FAM78A: variants seen among roughly 807,000 people sequenced by gnomAD.
FAM78A encodes the protein protein FAM78A.
In FAM78A, 12 loss-of-function variants were observed where a neutral mutation model predicts 22.6. That is an observed-to-expected ratio of 0.53 (90% CI 0.34 to 0.86). The LOEUF (loss-of-function observed/expected upper bound fraction) is 0.86. Ranked by LOEUF, FAM78A falls within the 40% of genes least tolerant of loss-of-function variation. The probability of loss-of-function intolerance (pLI) is 0.02; values close to 1 mark genes in which losing one functional copy is unlikely to be tolerated. For missense variants in FAM78A, 322 were observed against 396.1 expected, an observed-to-expected ratio of 0.81 and a Z score of 1.59; for synonymous variants, 151 against 155.8, an observed-to-expected ratio of 0.97 and a Z score of 0.23.
At position 131,265,209 on chromosome 9, in the gene FAM78A, C is replaced by T. The variant is rs758206837; in HGVS notation, c.324-3859G>A. Among the ~76,000 whole-genome samples, 38 of 152,072 alleles carry T rather than the reference C, an allele frequency of 2.5e-4. No individual in the cohort carries two copies. Among genetic ancestry groups the T allele is most frequent in the Non-Finnish European group, 4.3e-4 (29 of 68,030 alleles). ...CTTAGTAGTTGTCCTTGAAATTTTCCGATTATTTTTAACTTAAAAGTCTAA... is the reference window on the plus strand; with the variant it reads ...CTTAGTAGTTGTCCTTGAAATTTTCTGATTATTTTTAACTTAAAAGTCTAA... On this transcript the variant is annotated intron_variant, in intron 1 of 1. Transcript: ENST00000372271. The surrounding 1 kb of genome is among the most constrained non-coding windows in gnomAD (Gnocchi z 4.3).
chr9:131,268,537 C>A (rs1313654435), intron 1 of FAM78A, among the ~76,000 whole-genome samples: 1 of 152,258 alleles, frequency 6.6e-6, no homozygotes, highest in African/African-American at 2.4e-5. Flanking sequence ...TTAACCCAGG[C>A]ACAGCTGTGG....
upstream of FAM78A, among the ~76,000 whole-genome samples, chr9:131,280,372 A>G (rs569055866): frequency 1.9e-4 from 29 of 152,262 alleles, no homozygotes; most frequent in Admixed American, 1.6e-3. Flanking sequence ...CAGCCTCAGC[A>G]TATGTGGAAG....
At position 131,272,359 on chromosome 9, in the gene FAM78A, T is replaced by A. The variant is rs1214254785; in HGVS notation, c.323+3498A>T. Among the ~76,000 whole-genome samples, 1 of 152,198 alleles carries A rather than the reference T, an allele frequency of 6.6e-6. No homozygotes were observed. The highest frequency in any genetic ancestry group is 1.5e-5 in the Non-Finnish European group (1 of 68,024). ...CCTCCTGGGGACATCAGGCCCTCCCTGGGGACATTATTGACTGTCACAGCT... is the reference window on the plus strand; with the variant it reads ...CCTCCTGGGGACATCAGGCCCTCCCAGGGGACATTATTGACTGTCACAGCT... On this transcript the variant is annotated intron_variant, in intron 1 of 1. Transcript: ENST00000372271. This position sits in a 1 kb window ranked among gnomAD's most constrained non-coding sequence, Gnocchi z 4.1.
upstream of FAM78A, among the ~76,000 whole-genome samples, chr9:131,278,609 G>C (rs1374122192): frequency 1.3e-5 from 2 of 152,348 alleles, no homozygotes; most frequent in Admixed American, 1.3e-4. Context: ...CAGGCACCCA[G>C]AGCTGAGAGG....
intron 1 of FAM78A, chr9:131,270,500 G>A: frequency 1.4e-6 from 1 of 716,038 alleles, no homozygotes; most frequent in Non-Finnish European, 2.6e-6. Context: ...GAAGGTGGAT[G>A]AGGGCTGCAG....
Position 131,276,231 on chromosome 9 carries a change from T to C in FAM78A, c.-52A>G. 1 of 1,475,918 alleles carries C rather than the reference T, an allele frequency of 6.8e-7. No homozygotes were observed. Among genetic ancestry groups the C allele is most frequent in the Non-Finnish European group, 9.3e-7 (1 of 1,077,822 alleles). 91.4% of individuals were successfully genotyped at this position (1,475,918 alleles called of 1,614,324 possible). A position where few individuals can be genotyped will look rare whatever the true frequency, so the allele number is the denominator to read the frequency against. Reference sequence around the variant, plus strand: ...GTACAGACGGCGCTGCTCTCCAATCTCAACTCTCAAGACCGATATCCATAG... The same window carrying C: ...GTACAGACGGCGCTGCTCTCCAATCCCAACTCTCAAGACCGATATCCATAG... On this transcript the variant is annotated 5_prime_UTR_variant, in exon 1 of 2. An upstream open reading frame in the 5' UTR loses its in-frame stop. Transcript: ENST00000372271. This position sits in a 1 kb window ranked among gnomAD's most constrained non-coding sequence, Gnocchi z 4.3.
rs143511038 is a variant in FAM78A at position 131,274,916 on chromosome 9, C to G, written c.323+941G>C. On this transcript the variant is annotated intron_variant, in intron 1 of 1. Transcript: ENST00000372271. The surrounding 1 kb of genome is among the most constrained non-coding windows in gnomAD (Gnocchi z 4.2). ...CACGGGGCCGCATGGGTGGGCTGCC[C>G]GCCGGGGCCTGCCTAGCTCTCTCCA... is the stretch of plus-strand genomic sequence containing the variant. Among the ~76,000 whole-genome samples the G allele has an allele frequency of 2.0e-5, 3 of 152,210 alleles. No individual in the cohort carries two copies. In the East Asian group the frequency reaches 5.8e-4, roughly 29 times the overall value.
At chr9:131,270,388 C>G in intron 1 of FAM78A, 1 of 717,592 alleles carries the variant, frequency 1.4e-6, no homozygotes, top group Non-Finnish European at 2.6e-6. Context: ...CAACTCCAAT[C>G]AGCAAAACAA....
chr9:131,279,771 C>T (rs1485136149), upstream of FAM78A, among the ~76,000 whole-genome samples: 1 of 152,230 alleles, frequency 6.6e-6, no homozygotes, highest in Non-Finnish European at 1.5e-5. Context: ...TGAGCAGGCA[C>T]TGTCTCTTCT....
chr9:131,262,102 C>T lies in FAM78A; in HGVS notation c.324-752G>A, dbSNP rs147374112. ...ATTCACTTTGGGAGGCCAAGGGGGG[C>T]GGATCATGAGGTCAGGAGTTTGAGA... is the stretch of plus-strand genomic sequence containing the variant. On this transcript the variant is annotated intron_variant, in intron 1 of 1. Coordinates refer to ENST00000372271, the MANE Select transcript of FAM78A (RefSeq NM_033387.4). 9.5e-3 allele frequency among the ~76,000 whole-genome samples: 1,445 copies of T among 151,526 alleles called. 27 individuals are homozygous for T. Among genetic ancestry groups the T allele is most frequent in the African/African-American group, 0.033 (1,363 of 41,142 alleles).
intron 1 of FAM78A, chr9:131,270,225 C>G (rs1475754845): frequency 4.2e-6 from 3 of 713,314 alleles, no homozygotes; most frequent in Non-Finnish European, 5.2e-6. Context: ...GTACAACCAC[C>G]GAGCTGAAGG....
intron 1 of FAM78A, among the ~76,000 whole-genome samples, chr9:131,268,412 G>A (rs1370003635): frequency 6.6e-6 from 1 of 151,914 alleles, no homozygotes; most frequent in African/African-American, 2.4e-5. Context: ...CACCAGCTGA[G>A]GGAGGGGCTG....
intron 1 of FAM78A, among the ~76,000 whole-genome samples, chr9:131,264,891 T>C (rs1404745816): frequency 6.6e-6 from 1 of 152,018 alleles, no homozygotes; most frequent in Non-Finnish European, 1.5e-5. Flanking sequence ...GCCCAGCTAA[T>C]TTTGTACTTT....
intron 1 of FAM78A, among the ~76,000 whole-genome samples, chr9:131,273,605 G>A (rs1341423234): frequency 1.3e-5 from 2 of 152,240 alleles, no homozygotes; most frequent in Admixed American, 6.5e-5. Flanking sequence ...TGGGCCCTAC[G>A]TGACAGAGAA....
Position 131,260,533 on chromosome 9 carries a change from C to G in FAM78A, c.*289G>C. ...CGGAAAAAGCAGTGTTTCAGGGAATCTGTTACAAGTGAGCGACTGAAACTG... is the reference window on the plus strand; with the variant it reads ...CGGAAAAAGCAGTGTTTCAGGGAATGTGTTACAAGTGAGCGACTGAAACTG... On this transcript the variant is annotated 3_prime_UTR_variant, in exon 2 of 2. Transcript: ENST00000372271. The surrounding 1 kb of genome is among the most constrained non-coding windows in gnomAD (Gnocchi z 5.4). 3.0e-6 allele frequency: 1 copy of G among 334,124 alleles called. No individual in the cohort carries two copies. Among genetic ancestry groups the G allele is most frequent in the Non-Finnish European group, 5.4e-6 (1 of 185,174 alleles). 20.7% of individuals were successfully genotyped at this position (334,124 alleles called of 1,614,324 possible). A position where few individuals can be genotyped will look rare whatever the true frequency, so the allele number is the denominator to read the frequency against.
rs1309616272 is a variant in FAM78A, at chr9:131,261,193, T to A, written c.481A>T (p.Asn161Tyr). ...GCCCATGTGACGCTGGGGTAAAAGT[T>A]GTCATTCATGCTGATGATGAACTTG... ...DSKFIISMND[N>Y]FYPSVTWAVP... is the part of the protein sequence containing the mutation. Residue 161 changes from asparagine to tyrosine, a missense_variant, in exon 2 of 2, where the codon AAC becomes TAC. Physicochemically the swap from Asn to Tyr is moderately radical, Grantham distance 143. Coordinates refer to ENST00000372271, the MANE Select transcript of FAM78A (RefSeq NM_033387.4). This position sits in a 1 kb window ranked among gnomAD's most constrained non-coding sequence, Gnocchi z 7.1. 1 of 1,613,902 alleles carries A rather than the reference T, an allele frequency of 6.2e-7. No individual in the cohort carries two copies. The highest frequency in any genetic ancestry group is 1.7e-5 in the Admixed American group (1 of 59,996).
chr9:131,268,686 G>T (rs1055582774), intron 1 of FAM78A, among the ~76,000 whole-genome samples: 9 of 151,864 alleles, frequency 5.9e-5, no homozygotes, highest in African/African-American at 1.9e-4. Context: ...GGATCACAAG[G>T]TCAGGAGATC....
In FAM78A at chr9:131,274,475, C is replaced by A. The variant is rs768601834; in HGVS notation, c.323+1382G>T. On this transcript the variant is annotated intron_variant, in intron 1 of 1. Coordinates refer to ENST00000372271, the MANE Select transcript of FAM78A (RefSeq NM_033387.4). The surrounding 1 kb of genome is among the most constrained non-coding windows in gnomAD (Gnocchi z 4.2). ...CCCCTCCCCCGAACTGGATTACTAG[C>A]TGCTCTTGAGACACAAAGGGGTTGG... Among the ~76,000 whole-genome samples the A allele has an allele frequency of 2.0e-5, 3 of 152,196 alleles. No homozygotes were observed. Among genetic ancestry groups the A allele is most frequent in the Non-Finnish European group, 4.4e-5 (3 of 68,034 alleles).
rs1229414745 is a variant in FAM78A at position 131,275,773 on chromosome 9, T to A, written c.323+84A>T. ...GTCCTGTCTTCATGGTATCTCCACCTTCCCCCTATCCGCGGCCCCCCACCA... is the reference window on the plus strand; with the variant it reads ...GTCCTGTCTTCATGGTATCTCCACCATCCCCCTATCCGCGGCCCCCCACCA... On this transcript the variant is annotated intron_variant, in intron 1 of 1. Coordinates refer to ENST00000372271, the MANE Select transcript of FAM78A (RefSeq NM_033387.4). This position sits in a 1 kb window ranked among gnomAD's most constrained non-coding sequence, Gnocchi z 4.6. The A allele has an allele frequency of 2.8e-6, 4 of 1,405,478 alleles. No homozygotes were observed. In the South Asian group the frequency reaches 5.6e-5, roughly 20 times the overall value. The allele number at this position is 1,405,478 out of a possible 1,614,324, so 87.1% of individuals were successfully genotyped here.
Sources: allele counts gnomAD v4.1 joint callset (sites outside exome capture counted in the v4.1 genomes callset), GRCh38; gene constraint gnomAD v4.1.1; non-coding constraint Gnocchi (gnomAD v3.1); transcripts MANE v1.5; gene names NCBI Gene and HGNC (gene_info 2026-07-23, HGNC 2026-07-21).